Variants in TRIM9 observed in about 807,000 individuals in gnomAD.
TRIM9 encodes the protein E3 ubiquitin-protein ligase TRIM9.
Under a neutral mutation model 78.3 loss-of-function variants are expected in TRIM9, and 26 were observed. That is an observed-to-expected ratio of 0.33 (90% CI 0.24 to 0.46). The LOEUF is 0.46. Among genes scored for constraint, TRIM9 ranks in the 20% least tolerant of loss-of-function variants. The pLI, the probability that TRIM9 is intolerant of heterozygous loss-of-function variation, is 1.00. For synonymous variants in TRIM9, 398 were observed against 416.5 expected, an observed-to-expected ratio of 0.96 and a Z score of 0.54; for missense variants, 787 against 1,036.4, an observed-to-expected ratio of 0.76 and a Z score of 3.30.
chr14:51,076,653 A>G (rs953742750), intron 1 of TRIM9, among the ~76,000 whole-genome samples: 3 of 152,194 alleles, frequency 2.0e-5, no homozygotes, highest in Admixed American at 6.5e-5. Flanking sequence ...ACTCACATTA[A>G]TTAGGTTATT....
chr14:51,007,623 C>T (rs1267153706), intron 5 of TRIM9, among the ~76,000 whole-genome samples: 1 of 152,108 alleles, frequency 6.6e-6, no homozygotes, highest in Non-Finnish European at 1.5e-5. Flanking sequence ...CAACTGTCTA[C>T]TAGGGTTATG....
At chr14:51,034,281 C>T (rs1005563626) in intron 1 of TRIM9, among the ~76,000 whole-genome samples, 9 of 152,200 alleles carry the variant, frequency 5.9e-5, no homozygotes, top group African/African-American at 2.2e-4. Context: ...AGGACCACTT[C>T]TAAGTGCTTC....
intron 7 of TRIM9, among the ~76,000 whole-genome samples, chr14:50,990,734 C>A (rs2053397489): frequency 6.6e-6 from 1 of 152,162 alleles, no homozygotes; most frequent in Admixed American, 6.5e-5. Flanking sequence ...AGCCCTTGAA[C>A]CCAGGTCCAA....
chr14:51,064,677 CAAA>C (rs76064637), intron 1 of TRIM9, among the ~76,000 whole-genome samples: 1 of 151,116 alleles, frequency 6.6e-6, no homozygotes, highest in Non-Finnish European at 1.5e-5. Context: ...ATATCACACA[CAAA>C]AAAAATCCTA....
At position 50,979,569 on chromosome 14, in the gene TRIM9, T is replaced by C. The variant is rs2051547334; in HGVS notation, c.2163-20A>G. The C allele has an allele frequency of 6.2e-7, 1 of 1,606,240 alleles. No individual in the cohort carries two copies. Among genetic ancestry groups the C allele is most frequent in the Non-Finnish European group, 8.5e-7 (1 of 1,174,222 alleles). On this transcript the variant is annotated intron_variant, in intron 11 of 12. Coordinates refer to ENST00000684578, the MANE Select transcript of TRIM9 (RefSeq NM_001387360.1). ...TCAGTTCTGTAGGAAAAGAGAAAAA[T>C]TGGGGTTCATTTCCTTGTGGTCACT...
At chr14:50,979,341 C>A in intron 12 of TRIM9, 46 bp downstream of exon 12, 1 of 1,614,134 alleles carries the variant, frequency 6.2e-7, no homozygotes, top group Non-Finnish European at 8.5e-7. Context: ...AGCCTTTGAA[C>A]CGGTAGCCAG....
chr14:50,979,416 G>A lies in TRIM9; in HGVS notation c.2296C>T (p.Pro766Ser), dbSNP rs1467697529. The A allele has an allele frequency of 6.2e-7, 1 of 1,614,126 alleles. No homozygotes were observed. Among genetic ancestry groups the A allele is most frequent in the South Asian group, 1.1e-5 (1 of 91,078 alleles). Reference protein sequence around the residue: ...AFDNVEGLFFPAVSLNRNVQV... With the variant: ...AFDNVEGLFFSAVSLNRNVQV... ...ACGTTCCTGTTCAGGCTGACCGCAG[G>A]GAAGAAGAGGCCCTCCACGTTATCA... The change falls in exon 12 of 13, where the codon CCT (proline) becomes TCT (serine). Residue 766 changes from proline to serine, a missense_variant. By Grantham distance (74) the Pro-to-Ser change is moderately conservative. Coordinates refer to ENST00000684578, the MANE Select transcript of TRIM9 (RefSeq NM_001387360.1).
chr14:50,977,374 T>A (rs970808692), intron 12 of TRIM9, 21 bp from the exon 13 acceptor site: 1 of 1,505,466 alleles, frequency 6.6e-7, no homozygotes, highest in Non-Finnish European at 8.9e-7. Context: ...AGACTGTGAG[T>A]CCTGAGAGGC....
intron 3 of TRIM9, among the ~76,000 whole-genome samples, chr14:51,017,491 T>C (rs2057328261): frequency 6.6e-6 from 1 of 152,248 alleles, no homozygotes; most frequent in African/African-American, 2.4e-5. Flanking sequence ...ATGCTCTTAA[T>C]GTATAGAATA....
intron 3 of TRIM9, 144 bp from the exon 4 acceptor site, chr14:51,010,638 T>TGTC: frequency 1.6e-6 from 1 of 633,554 alleles, no homozygotes; most frequent in South Asian, 2.0e-5. Context: ...TTTCTGGCAG[T>TGTC]GTCTGCTGGG....
At chr14:50,992,403 C>T (rs1198970140) in intron 7 of TRIM9, among the ~76,000 whole-genome samples, 1 of 148,056 alleles carries the variant, frequency 6.8e-6, no homozygotes, top group Non-Finnish European at 1.5e-5. Flanking sequence ...CATAGTGAGA[C>T]CCTGTCTCTA....
At chr14:51,063,851 T>C (rs1284702420) in intron 1 of TRIM9, among the ~76,000 whole-genome samples, 1 of 152,154 alleles carries the variant, frequency 6.6e-6, no homozygotes, top group Non-Finnish European at 1.5e-5. Flanking sequence ...ATATTTTTAG[T>C]GTCAAGCGGA....
intron 1 of TRIM9, among the ~76,000 whole-genome samples, chr14:51,088,774 A>G (rs1467005416): frequency 6.6e-6 from 1 of 152,208 alleles, no homozygotes; most frequent in Admixed American, 6.5e-5. Flanking sequence ...TGAATATGAT[A>G]TGATTTCTGC....
chr14:51,065,910 G>C (rs970399670), intron 1 of TRIM9, among the ~76,000 whole-genome samples: 7 of 152,032 alleles, frequency 4.6e-5, no homozygotes, highest in African/African-American at 1.7e-4. Context: ...GTTTGTTAAA[G>C]TGAAGGGTAA....
chr14:51,080,997 G>T (rs538073717), intron 1 of TRIM9, among the ~76,000 whole-genome samples: 1 of 152,192 alleles, frequency 6.6e-6, no homozygotes, highest in African/African-American at 2.4e-5. Flanking sequence ...GCAGTAGGTC[G>T]TGATAGGCCA....
intron 1 of TRIM9, among the ~76,000 whole-genome samples, chr14:51,059,654 C>T (rs1052793811): frequency 7.2e-5 from 11 of 151,844 alleles, no homozygotes; most frequent in Non-Finnish European, 1.0e-4. Flanking sequence ...AAAAATTAGC[C>T]GGGCGTGGTG....
chr14:51,053,085 A>C (rs1292777686), intron 1 of TRIM9, among the ~76,000 whole-genome samples: 1 of 151,540 alleles, frequency 6.6e-6, no homozygotes, highest in African/African-American at 2.4e-5. Flanking sequence ...ATTTGAGCCC[A>C]GGAGGTGGAG....
At chr14:51,023,536 A>G (rs530425013) in intron 2 of TRIM9, among the ~76,000 whole-genome samples, 1 of 152,194 alleles carries the variant, frequency 6.6e-6, no homozygotes, top group Admixed American at 6.5e-5. Flanking sequence ...CTGCCATAAA[A>G]ATCAGATATG....
rs1232556931 is a variant in TRIM9, at chr14:50,979,860, G to C, written c.2163-311C>G. ...GAGTTGCTCTGCTGTTGCTGAGAGT[G>C]AACTCATTCATTAGGGTCTCTACCA... On this transcript the variant is annotated intron_variant, in intron 11 of 12. Coordinates refer to ENST00000684578, the MANE Select transcript of TRIM9 (RefSeq NM_001387360.1). Among the ~76,000 whole-genome samples the C allele has an allele frequency of 2.6e-5, 4 of 152,152 alleles. No individual in the cohort carries two copies. In the East Asian group the frequency reaches 7.7e-4, roughly 29 times the overall value.
Sources: allele counts gnomAD v4.1 joint callset (sites outside exome capture counted in the v4.1 genomes callset), GRCh38; gene constraint gnomAD v4.1.1; transcripts MANE v1.5; gene names NCBI Gene and HGNC (gene_info 2026-07-23, HGNC 2026-07-21).